ERCC6L2: variants seen among roughly 807,000 people sequenced by gnomAD.
The protein encoded by ERCC6L2 is ERCC excision repair 6 like 2, also known as DNA excision repair protein ERCC-6-like 2.
Under a neutral mutation model 132.0 loss-of-function variants are expected in ERCC6L2, and 77 were observed. The observed-to-expected ratio is 0.58, with a 90% CI of 0.49 to 0.71. The LOEUF is 0.71. Ranked by LOEUF, ERCC6L2 falls within the 30% of genes least tolerant of loss-of-function variation. The pLI is 0.00. For synonymous variants in ERCC6L2, 583 were observed against 632.4 expected (o/e 0.92, Z 1.17); for missense variants, 1,542 against 1,837.6 (o/e 0.84, Z 2.94).
intron 12 of ERCC6L2, among the ~76,000 whole-genome samples, chr9:95,955,174 C>T (rs1564259188): frequency 6.6e-6 from 1 of 152,146 alleles, no homozygotes; most frequent in Non-Finnish European, 1.5e-5. Context: ...TTAATTAGCA[C>T]TATGGTCTGT....
In ERCC6L2 at chr9:96,017,588, G is replaced by A. The variant is rs533842020; in HGVS notation, c.*4385G>A. On this transcript the variant is annotated 3_prime_UTR_variant, in exon 19 of 19. Coordinates refer to ENST00000653738, the MANE Select transcript of ERCC6L2 (RefSeq NM_020207.7). ...TTTGCAGTTTCACAGGAATTCTGATGTGCCAGTGATTGTCAGGTTTGTCCC... is the reference window on the plus strand; with the variant it reads ...TTTGCAGTTTCACAGGAATTCTGATATGCCAGTGATTGTCAGGTTTGTCCC... 1.3e-5 allele frequency among the ~76,000 whole-genome samples: 2 copies of A among 152,302 alleles called. No homozygotes were observed. The highest frequency in any genetic ancestry group is 4.2e-4 in the South Asian group (2 of 4,818).
chr9:96,000,184 G>A (rs1833616807), intron 17 of ERCC6L2, among the ~76,000 whole-genome samples: 1 of 152,062 alleles, frequency 6.6e-6, no homozygotes, highest in South Asian at 2.1e-4. Context: ...ACCGCGCCTG[G>A]CCAAGATACA....
intron 6 of ERCC6L2, among the ~76,000 whole-genome samples, chr9:95,919,017 C>T (rs534551141): frequency 5.9e-5 from 9 of 152,208 alleles, no homozygotes; most frequent in Non-Finnish European, 5.9e-5. Context: ...TACAGGCGCA[C>T]GCCACCATGC....
At chr9:96,022,969 A>AGCCAGTTCTG (rs1834316040), downstream of ERCC6L2, among the ~76,000 whole-genome samples, 1 of 152,202 alleles carries the variant, frequency 6.6e-6, no homozygotes, top group Non-Finnish European at 1.5e-5. Flanking sequence ...TGCCAACAGC[A>AGCCAGTTCTG]GCCACTTCTG....
In ERCC6L2 at chr9:96,015,190, ATTT is replaced by A. The variant is rs749397792; in HGVS notation, c.*2000_*2002del. 8.4e-6 allele frequency among the ~76,000 whole-genome samples: 1 copy of A among 118,804 alleles called. No homozygotes were observed. Among genetic ancestry groups the A allele is most frequent in the East Asian group, 2.5e-4 (1 of 4,064 alleles). The allele number at this position is 118,804 out of a possible 152,430, so 77.9% of individuals were successfully genotyped here. ...TGTGTACCACCACACTCAGCTAAAC[ATTT>A]TTTTTTTTTTTTGAGACGGAGTCTC... On this transcript the variant is annotated 3_prime_UTR_variant, in exon 19 of 19. Transcript: ENST00000653738.
chr9:95,966,494 T>G, intron 13 of ERCC6L2, 68 bp from the exon 14 acceptor site: 1 of 1,348,832 alleles, frequency 7.4e-7, no homozygotes, highest in Non-Finnish European at 9.8e-7. Context: ...ATACAGGGAA[T>G]GCCAGGAAAT....
chr9:96,009,647 C>G (rs1833967815), intron 18 of ERCC6L2, among the ~76,000 whole-genome samples: 1 of 152,232 alleles, frequency 6.6e-6, no homozygotes. Context: ...CTTTTCTTCA[C>G]AAACTGGCTG....
intron 4 of ERCC6L2, among the ~76,000 whole-genome samples, chr9:95,912,709 G>A (rs944032511): frequency 2.6e-5 from 4 of 152,042 alleles, no homozygotes; most frequent in Admixed American, 6.5e-5. Context: ...GAATTTGGTT[G>A]TCTGTTTATT....
Position 95,915,843 on chromosome 9 carries a change from C to A in ERCC6L2, c.950+14C>A. 1 of 1,572,374 alleles carries A rather than the reference C, an allele frequency of 6.4e-7. No individual in the cohort carries two copies. The highest frequency in any genetic ancestry group is 2.0e-5 in the Admixed American group (1 of 49,388). On this transcript the variant is annotated intron_variant, in intron 5 of 18. Transcript: ENST00000653738. ...TGTTATGGACTGGTGAGAGAAAACA[C>A]TTTTTAAAAAATTGTTTAATAGTTC...
rs1828544310 is a variant in ERCC6L2, at chr9:95,897,757, C to G, written c.472-92C>G. ...CCCCCAACAAATCTCTTTGTACATA[C>G]TTTGTCACTAATTGAATAGTCATGT... On this transcript the variant is annotated intron_variant, in intron 2 of 18. Transcript: ENST00000653738. 1.6e-6 allele frequency: 2 copies of G among 1,275,004 alleles called. 1 individual carries two copies. The highest frequency in any genetic ancestry group is 2.7e-5 in the South Asian group (2 of 74,878). 79.0% of individuals were successfully genotyped at this position (1,275,004 alleles called of 1,614,324 possible). A position where few individuals can be genotyped will look rare whatever the true frequency, so the allele number is the denominator to read the frequency against.
Position 95,877,815 on chromosome 9 carries a change from GA to G in ERCC6L2, c.46+1741del, listed in dbSNP as rs541639458. Among the ~76,000 whole-genome samples the G allele has an allele frequency of 2.3e-3, 325 of 141,000 alleles. 1 individual carries two copies. The highest frequency in any genetic ancestry group is 0.014 in the Middle Eastern group (4 of 290). 92.5% of individuals were successfully genotyped at this position (141,000 alleles called of 152,430 possible). A position where few individuals can be genotyped will look rare whatever the true frequency, so the allele number is the denominator to read the frequency against. On this transcript the variant is annotated intron_variant, in intron 1 of 18. Transcript: ENST00000653738. ...AGACACTCTTGTCTAAAAAAAAAAA[GA>G]AAAAAAAAAGAATGTGTAATAAATT...
intron 12 of ERCC6L2, among the ~76,000 whole-genome samples, chr9:95,951,007 C>T (rs901100178): frequency 1.3e-5 from 2 of 152,132 alleles, no homozygotes; most frequent in Non-Finnish European, 2.9e-5. Context: ...TTCCTTCCAA[C>T]GACAGCAGAA....
intron 2 of ERCC6L2, among the ~76,000 whole-genome samples, chr9:95,883,142 G>C (rs557206796): frequency 6.6e-5 from 10 of 152,084 alleles, no homozygotes; most frequent in African/African-American, 1.4e-4. Flanking sequence ...TCACCAGATC[G>C]TAGAATTCAG....
chr9:95,889,448 A>C (rs1828043988), intron 2 of ERCC6L2, among the ~76,000 whole-genome samples: 1 of 152,032 alleles, frequency 6.6e-6, no homozygotes, highest in Non-Finnish European at 1.5e-5. Flanking sequence ...AAAATTAAAA[A>C]GAGTATATCT....
intron 17 of ERCC6L2, among the ~76,000 whole-genome samples, chr9:96,000,493 A>G (rs1833628474): frequency 1.3e-5 from 2 of 152,228 alleles, no homozygotes; most frequent in African/African-American, 4.8e-5. Flanking sequence ...GGGTAGGGGA[A>G]TATTTGTATA....
chr9:95,949,578 A>G (rs1383901690), intron 12 of ERCC6L2, among the ~76,000 whole-genome samples: 1 of 152,088 alleles, frequency 6.6e-6, no homozygotes, highest in African/African-American at 2.4e-5. Context: ...AAAACAAACA[A>G]ACTGTCAACT....
chr9:95,950,291 G>A (rs187285971), intron 12 of ERCC6L2, among the ~76,000 whole-genome samples: 4 of 152,026 alleles, frequency 2.6e-5, no homozygotes, highest in Middle Eastern at 3.4e-3. Context: ...ATAACTTTAG[G>A]ATATTATATG....
At chr9:95,965,707 G>A (rs1191313155) in intron 13 of ERCC6L2, among the ~76,000 whole-genome samples, 2 of 151,972 alleles carry the variant, frequency 1.3e-5, no homozygotes, top group Non-Finnish European at 2.9e-5. Flanking sequence ...GTTTCACCAC[G>A]TCGACCAGGT....
At chr9:96,001,056 T>C (rs12001253) in intron 17 of ERCC6L2, among the ~76,000 whole-genome samples, 2,036 of 152,154 alleles carry the variant, frequency 0.013, 37 homozygotes, top group Middle Eastern at 0.041. Context: ...GCGGTGAGTG[T>C]TACAGCTCTT....
Sources: gnomAD v4.1 joint callset for allele counts (sites outside exome capture counted in the v4.1 genomes callset) on GRCh38, gnomAD v4.1.1 for gene constraint, MANE v1.5 for transcripts, NCBI Gene and HGNC (gene_info 2026-07-23, HGNC 2026-07-21) for gene names.